NFAT5: variants seen among roughly 807,000 people sequenced by gnomAD.
NFAT5 encodes the protein nuclear factor of activated T cells 5, also known as nuclear factor of activated T-cells 5.
A neutral mutation model predicts 166.5 loss-of-function variants in NFAT5; 31 were observed. That is an observed-to-expected ratio of 0.19 (90% CI 0.14 to 0.25). The LOEUF (loss-of-function observed/expected upper bound fraction) is 0.25. Ranked by LOEUF, NFAT5 falls within the 10% of genes least tolerant of loss-of-function variation. The pLI is 1.00. For missense variants in NFAT5, 1,449 were observed against 1,821.8 expected (o/e 0.80, Z 3.72); for synonymous variants, 612 against 639.7 (o/e 0.96, Z 0.65).
chr16:69,681,764 A>G (rs535429706), intron 10 of NFAT5, among the ~76,000 whole-genome samples: 1 of 152,108 alleles, frequency 6.6e-6, no homozygotes, highest in Admixed American at 6.5e-5. Context: ...AAAAAATACA[A>G]AAAATTAGCC....
At chr16:69,568,615 A>T in intron 2 of NFAT5, 67 bp downstream of exon 2, 1 of 1,341,290 alleles carries the variant, frequency 7.5e-7, no homozygotes, top group Non-Finnish European at 1.0e-6. Flanking sequence ...AATGGAGTTT[A>T]AATGGGAAAG....
intron 9 of NFAT5, among the ~76,000 whole-genome samples, chr16:69,670,695 T>C (rs1012249389): frequency 2.0e-5 from 3 of 152,218 alleles, no homozygotes; most frequent in Non-Finnish European, 1.5e-5. Context: ...CACACTGATA[T>C]TAGTCTGTAT....
chr16:69,665,342 T>C (rs2151659466), intron 7 of NFAT5, among the ~76,000 whole-genome samples: 1 of 139,840 alleles, frequency 7.2e-6, no homozygotes, highest in South Asian at 2.5e-4. Context: ...GAGAAGGAAA[T>C]AAAGGGTATT....
At chr16:69,639,424 G>T (rs1385342149) in intron 3 of NFAT5, among the ~76,000 whole-genome samples, 1 of 152,046 alleles carries the variant, frequency 6.6e-6, no homozygotes, top group Admixed American at 6.6e-5. Context: ...TATTTAAGGA[G>T]AATTCAGATT....
Position 69,566,519 on chromosome 16 carries a change from G to A in NFAT5, c.73+145G>A, listed in dbSNP as rs2016047820. The A allele has an allele frequency of 1.4e-6, 1 of 732,112 alleles. No individual in the cohort carries two copies. Among genetic ancestry groups the A allele is most frequent in the Non-Finnish European group, 2.4e-6 (1 of 425,212 alleles). The allele number at this position is 732,112 out of a possible 1,614,324, so 45.4% of individuals were successfully genotyped here. On this transcript the variant is annotated intron_variant, in intron 1 of 14. Transcript: ENST00000349945. This position sits in a 1 kb window ranked among gnomAD's most constrained non-coding sequence, Gnocchi z 5.7. ...GCTTCTTTGGCCGGAGCGGGCAGAG[G>A]CCGAAGGGATCGGGGTGACGGTGGA...
At chr16:69,589,672 G>C (rs552851808) in intron 2 of NFAT5, among the ~76,000 whole-genome samples, 37 of 152,202 alleles carry the variant, frequency 2.4e-4, no homozygotes, top group Admixed American at 2.4e-3. Context: ...AAATCACTTT[G>C]AGTCTTTAAG....
chr16:69,604,552 C>G (rs566046391), intron 2 of NFAT5, among the ~76,000 whole-genome samples: 27 of 152,178 alleles, frequency 1.8e-4, no homozygotes, highest in Admixed American at 3.3e-4. Context: ...CTGTTCCTCT[C>G]TTTGTGTCCA....
intron 2 of NFAT5, among the ~76,000 whole-genome samples, chr16:69,611,852 C>T (rs879928282): frequency 6.6e-6 from 1 of 152,162 alleles, no homozygotes; most frequent in African/African-American, 2.4e-5. Context: ...AGCAAGCAGT[C>T]ACTGTAATTT....
At chr16:69,615,554 C>T (rs1039697276) in intron 2 of NFAT5, among the ~76,000 whole-genome samples, 4 of 152,066 alleles carry the variant, frequency 2.6e-5, no homozygotes, top group Non-Finnish European at 5.9e-5. Flanking sequence ...ATTTATATGT[C>T]TGTACACACA....
chr16:69,677,514 CTT>C (rs910067149), intron 10 of NFAT5, among the ~76,000 whole-genome samples, 179 bp downstream of exon 10: 1 of 152,140 alleles, frequency 6.6e-6, no homozygotes, highest in Non-Finnish European at 1.5e-5. Flanking sequence ...TGCTTTTACT[CTT>C]ATATTAAGGA....
intron 6 of NFAT5, among the ~76,000 whole-genome samples, chr16:69,657,135 ATT>A (rs199610561): frequency 6.8e-6 from 1 of 147,806 alleles, no homozygotes; most frequent in African/African-American, 2.5e-5. Context: ...TATTTTGTAA[ATT>A]TTTTTTTTTT....
intron 2 of NFAT5, among the ~76,000 whole-genome samples, chr16:69,589,151 C>T (rs1378064982): frequency 3.3e-5 from 5 of 151,986 alleles, no homozygotes; most frequent in Admixed American, 6.6e-5. Flanking sequence ...TGTGCCACCA[C>T]GCCCGGCTAA....
rs1050927502 is a variant in NFAT5, at chr16:69,703,310, A to G, written c.*6959A>G. On this transcript the variant is annotated 3_prime_UTR_variant, in exon 15 of 15. Transcript: ENST00000349945. ...GCTTGCTTTGTATAAGAACTAAGCT[A>G]TCAGTATAGATATAGCTATCCTTGG... 2.0e-5 allele frequency: 3 copies of G among 152,668 alleles called. No homozygotes were observed. Among genetic ancestry groups the G allele is most frequent in the Non-Finnish European group, 4.4e-5 (3 of 68,042 alleles). 9.5% of individuals were successfully genotyped at this position (152,668 alleles called of 1,614,324 possible). A position where few individuals can be genotyped will look rare whatever the true frequency, so the allele number is the denominator to read the frequency against.
chr16:69,688,309 AAATGAATG>A (rs898237727), intron 11 of NFAT5, among the ~76,000 whole-genome samples: 5 of 151,650 alleles, frequency 3.3e-5, no homozygotes, highest in Admixed American at 1.3e-4. Context: ...ATGAGTGAGT[AAATGAATG>A]AATGAATGAA....
intron 2 of NFAT5, among the ~76,000 whole-genome samples, chr16:69,610,452 A>T (rs1187715482): frequency 6.6e-6 from 1 of 152,182 alleles, no homozygotes; most frequent in African/African-American, 2.4e-5. Context: ...TGATTTGCTT[A>T]TTCATTCATT....
intron 2 of NFAT5, among the ~76,000 whole-genome samples, chr16:69,611,346 A>T (rs569892257): frequency 6.6e-6 from 1 of 152,202 alleles, no homozygotes; most frequent in African/African-American, 2.4e-5. Flanking sequence ...AAATGAATGT[A>T]TGTTGACATT....
intron 8 of NFAT5, 35 bp from the exon 9 acceptor site, chr16:69,670,201 C>A (rs201616064): frequency 1.3e-6 from 2 of 1,540,324 alleles, no homozygotes; most frequent in Non-Finnish European, 8.7e-7. Context: ...AAAAATAGTT[C>A]AAAAATTTAA....
chr16:69,585,530 C>G (rs1270928448), intron 2 of NFAT5, among the ~76,000 whole-genome samples: 1 of 152,074 alleles, frequency 6.6e-6, no homozygotes, highest in Non-Finnish European at 1.5e-5. Context: ...ACTAATGTTC[C>G]TAGCAGCATT....
At chr16:69,641,095 C>T (rs544192815) in intron 3 of NFAT5, among the ~76,000 whole-genome samples, 11 of 150,982 alleles carry the variant, frequency 7.3e-5, no homozygotes, top group African/African-American at 1.2e-4. Flanking sequence ...CTGGCCAATA[C>T]GGTGAAACCC....
Sources: allele counts gnomAD v4.1 joint callset (sites outside exome capture counted in the v4.1 genomes callset), GRCh38; gene constraint gnomAD v4.1.1; non-coding constraint Gnocchi (gnomAD v3.1); transcripts MANE v1.5; gene names NCBI Gene and HGNC (gene_info 2026-07-23, HGNC 2026-07-21).